The following NRG1 variants were observed in gnomAD, a reference collection of about 807,000 sequenced individuals.
The protein encoded by NRG1 is pro-neuregulin-1, membrane-bound isoform.
A neutral mutation model predicts 63.8 loss-of-function variants in NRG1; 18 were observed. The observed-to-expected ratio is 0.28, with a 90% CI of 0.19 to 0.42. The LOEUF is 0.42. Ranked by LOEUF, NRG1 falls within the 10% of genes least tolerant of loss-of-function variation. The pLI, the probability that NRG1 is intolerant of heterozygous loss-of-function variation, is 1.00. For missense variants in NRG1, 762 were observed against 814.7 expected (o/e 0.94, Z 0.79); for synonymous variants, 302 against 301.3 (o/e 1.00, Z -0.02).
At chr8:31,644,840 T>C (rs1006897608) in intron 1 of NRG1, among the ~76,000 whole-genome samples, 1 of 152,188 alleles carries the variant, frequency 6.6e-6, no homozygotes, top group Non-Finnish European at 1.5e-5. Flanking sequence ...TAGCCTTTTA[T>C]TTGTTTTAAA....
chr8:32,426,243 G>T (rs1817353888), intron 1 of NRG1, among the ~76,000 whole-genome samples: 1 of 152,140 alleles, frequency 6.6e-6, no homozygotes, highest in African/African-American at 2.4e-5. Context: ...AGCAGGGAGA[G>T]AAGATTCATC....
intron 5 of NRG1, among the ~76,000 whole-genome samples, chr8:32,681,644 A>G (rs1432472627): frequency 6.6e-6 from 1 of 152,188 alleles, no homozygotes; most frequent in Non-Finnish European, 1.5e-5. Context: ...ACAGTTTTAC[A>G]GCTACTTGGG....
chr8:32,045,059 G>C (rs368715017), intron 1 of NRG1, among the ~76,000 whole-genome samples: 1 of 151,640 alleles, frequency 6.6e-6, no homozygotes, highest in African/African-American at 2.4e-5. Context: ...TAATCAAATT[G>C]ATGAACCTCT....
intron 1 of NRG1, among the ~76,000 whole-genome samples, chr8:31,712,987 AT>A (rs1811946760): frequency 1.3e-3 from 19 of 14,256 alleles, no homozygotes; most frequent in Admixed American, 5.6e-3. Context: ...CCATCCACCC[AT>A]CCATCCATCC....
At chr8:32,186,902 G>T (rs940742260) in intron 1 of NRG1, among the ~76,000 whole-genome samples, 2 of 152,122 alleles carry the variant, frequency 1.3e-5, no homozygotes, top group African/African-American at 2.4e-5. Flanking sequence ...TTCTGTGCCT[G>T]GTCTTTACCA....
intron 1 of NRG1, among the ~76,000 whole-genome samples, chr8:31,838,090 A>G (rs1825853216): frequency 6.6e-6 from 1 of 152,102 alleles, no homozygotes; most frequent in Non-Finnish European, 1.5e-5. Context: ...TCCCACGAGC[A>G]GTGTATAGGA....
At chr8:32,228,172 A>G (rs1311146737) in intron 1 of NRG1, among the ~76,000 whole-genome samples, 2 of 152,142 alleles carry the variant, frequency 1.3e-5, no homozygotes, top group African/African-American at 2.4e-5. Context: ...GTTAATTGAT[A>G]CCTTATATTT....
At chr8:32,463,026 T>C (rs1042646460) in intron 1 of NRG1, among the ~76,000 whole-genome samples, 2 of 152,136 alleles carry the variant, frequency 1.3e-5, no homozygotes, top group African/African-American at 4.8e-5. Flanking sequence ...ATTTTTTTTT[T>C]TTTTTAAGAT....
At chr8:31,954,171 T>A (rs146137095) in intron 1 of NRG1, among the ~76,000 whole-genome samples, 4 of 152,152 alleles carry the variant, frequency 2.6e-5, no homozygotes, top group African/African-American at 9.6e-5. Flanking sequence ...AGTAGAATGA[T>A]AAAATCACAG....
chr8:32,403,800 T>G (rs994038921), intron 1 of NRG1, among the ~76,000 whole-genome samples: 2 of 152,080 alleles, frequency 1.3e-5, no homozygotes, highest in Non-Finnish European at 2.9e-5. Context: ...TGAGGAGAGA[T>G]CTTGATATTT....
chr8:32,459,125 A>G (rs1163673295), intron 1 of NRG1, among the ~76,000 whole-genome samples: 2 of 152,166 alleles, frequency 1.3e-5, no homozygotes, highest in Non-Finnish European at 2.9e-5. Context: ...TCCAGTCGGC[A>G]TCTCCAATTG....
intron 1 of NRG1, among the ~76,000 whole-genome samples, chr8:31,764,603 C>A (rs915950729): frequency 6.6e-6 from 1 of 152,082 alleles, no homozygotes; most frequent in Non-Finnish European, 1.5e-5. Context: ...TCTATATATA[C>A]AAAATATTTT....
chr8:32,560,204 T>C (rs1328964602), intron 1 of NRG1, among the ~76,000 whole-genome samples: 1 of 142,908 alleles, frequency 7.0e-6, no homozygotes, highest in Non-Finnish European at 1.6e-5. Flanking sequence ...CCTTTTATTC[T>C]TTTTGCTTTT....
chr8:32,581,857 G>A (rs1311229216), intron 1 of NRG1, among the ~76,000 whole-genome samples: 1 of 152,020 alleles, frequency 6.6e-6, no homozygotes, highest in African/African-American at 2.4e-5. Flanking sequence ...ATTAACATTG[G>A]TACAATACTA....
intron 1 of NRG1, among the ~76,000 whole-genome samples, chr8:31,947,966 A>AAAC (rs1554583479): frequency 3.5e-4 from 53 of 150,136 alleles, no homozygotes; most frequent in African/African-American, 1.3e-3. Context: ...AAAAAAAAAA[A>AAAC]AAAAAACTAC....
At chr8:31,958,358 C>T (rs1804833492) in intron 1 of NRG1, among the ~76,000 whole-genome samples, 2 of 152,122 alleles carry the variant, frequency 1.3e-5, no homozygotes, top group African/African-American at 2.4e-5. Flanking sequence ...TACCTCCTGG[C>T]CTTCTGCAAC....
intron 1 of NRG1, among the ~76,000 whole-genome samples, chr8:32,035,953 G>A (rs1339691972): frequency 6.6e-6 from 1 of 152,124 alleles, no homozygotes; most frequent in Non-Finnish European, 1.5e-5. Context: ...ATTGTTATGT[G>A]TGAATTTGAT....
At chr8:32,593,636 C>T (rs117884670) in intron 1 of NRG1, among the ~76,000 whole-genome samples, 8,867 of 151,514 alleles carry the variant, frequency 0.059, 331 homozygotes, top group Non-Finnish European at 0.088. Context: ...CCTGTGCAAC[C>T]GAGCAAGATC....
intron 6 of NRG1, among the ~76,000 whole-genome samples, chr8:32,733,074 T>C (rs752312964): frequency 1.1e-4 from 17 of 152,286 alleles, no homozygotes; most frequent in South Asian, 6.2e-4. Context: ...CCCAAAGTGC[T>C]GGGATTACAG....
Sources: allele counts gnomAD v4.1 joint callset (sites outside exome capture counted in the v4.1 genomes callset), GRCh38; gene constraint gnomAD v4.1.1; transcripts MANE v1.5; gene names NCBI Gene and HGNC (gene_info 2026-07-23, HGNC 2026-07-21).